DLG2: variants seen among roughly 807,000 people sequenced by gnomAD.
DLG2 encodes discs large MAGUK scaffold protein 2.
Under a neutral mutation model 132.5 loss-of-function variants are expected in DLG2, and 45 were observed. That is an observed-to-expected ratio of 0.34 (90% CI 0.27 to 0.44). The LOEUF is 0.44. DLG2 is among the 20% of genes least tolerant of loss of function. The probability of loss-of-function intolerance (pLI) is 1.00; values close to 1 mark genes in which losing one functional copy is unlikely to be tolerated. For synonymous variants in DLG2, 424 were observed against 419.6 expected (o/e 1.01, Z -0.13); for missense variants, 1,045 against 1,196.9 (o/e 0.87, Z 1.87).
chr11:85,287,025 A>G (rs1405284249), intron 3 of DLG2, among the ~76,000 whole-genome samples: 2 of 152,126 alleles, frequency 1.3e-5, no homozygotes, highest in Non-Finnish European at 2.9e-5. Context: ...ATTGGATTAT[A>G]ACACAAAATA....
At chr11:83,824,226 G>C (rs1020010804) in intron 17 of DLG2, among the ~76,000 whole-genome samples, 2 of 152,120 alleles carry the variant, frequency 1.3e-5, no homozygotes, top group Non-Finnish European at 2.9e-5. Flanking sequence ...TCTTTGTTGG[G>C]AAGTTTCCCC....
At chr11:84,994,968 C>G (rs1348978005) in intron 6 of DLG2, among the ~76,000 whole-genome samples, 2 of 152,100 alleles carry the variant, frequency 1.3e-5, no homozygotes, top group Admixed American at 1.3e-4. Flanking sequence ...CAGATAGATT[C>G]TTCTCATCTG....
intron 3 of DLG2, among the ~76,000 whole-genome samples, chr11:85,514,765 C>T (rs187127103): frequency 8.4e-4 from 128 of 151,940 alleles, no homozygotes; most frequent in African/African-American, 2.9e-3. Flanking sequence ...TCTTTTCATA[C>T]GCTCTTGGTT....
intron 15 of DLG2, among the ~76,000 whole-genome samples, chr11:83,917,638 C>T (rs1418748944): frequency 6.6e-6 from 1 of 152,176 alleles, no homozygotes; most frequent in South Asian, 2.1e-4. Flanking sequence ...TTCCCTCTGT[C>T]TGCCAGTTCT....
At chr11:84,944,050 G>T (rs2154098831) in intron 6 of DLG2, among the ~76,000 whole-genome samples, 1 of 152,122 alleles carries the variant, frequency 6.6e-6, no homozygotes, top group Non-Finnish European at 1.5e-5. Flanking sequence ...AATATGTCGT[G>T]CCATTCTCCC....
chr11:83,907,076 C>T (rs185730528), intron 15 of DLG2, among the ~76,000 whole-genome samples: 53 of 152,200 alleles, frequency 3.5e-4, no homozygotes, highest in African/African-American at 1.1e-3. Flanking sequence ...TTGAAGATCT[C>T]GCACTGAAGT....
intron 7 of DLG2, among the ~76,000 whole-genome samples, chr11:84,347,536 G>T (rs1025759693): frequency 2.0e-5 from 3 of 152,100 alleles, no homozygotes; most frequent in Non-Finnish European, 4.4e-5. Flanking sequence ...TCGCAGCAAT[G>T]TGTGGTCATA....
At chr11:84,511,089 A>C (rs992257215) in intron 7 of DLG2, among the ~76,000 whole-genome samples, 1 of 152,154 alleles carries the variant, frequency 6.6e-6, no homozygotes, top group African/African-American at 2.4e-5. Flanking sequence ...CCTCTGGATG[A>C]GAAAAATAGA....
chr11:83,700,105 A>T (rs1481661605), intron 18 of DLG2, among the ~76,000 whole-genome samples: 1 of 152,014 alleles, frequency 6.6e-6, no homozygotes, highest in Non-Finnish European at 1.5e-5. Context: ...TTAAATATTT[A>T]AATTAATTTA....
chr11:84,775,369 T>C (rs1234074353), intron 6 of DLG2, among the ~76,000 whole-genome samples: 1 of 152,200 alleles, frequency 6.6e-6, no homozygotes, highest in Non-Finnish European at 1.5e-5. Context: ...AGTTAGGAGA[T>C]GTCTGAAAGA....
At chr11:84,681,764 G>A (rs2099730649) in intron 6 of DLG2, among the ~76,000 whole-genome samples, 1 of 151,866 alleles carries the variant, frequency 6.6e-6, no homozygotes, top group Non-Finnish European at 1.5e-5. Context: ...TTCAGACTCA[G>A]TGATTGTTGC....
At chr11:83,584,514 A>G (rs1593780308) in intron 19 of DLG2, among the ~76,000 whole-genome samples, 1 of 152,228 alleles carries the variant, frequency 6.6e-6, no homozygotes. Flanking sequence ...ATGTACTGGA[A>G]TATTAGTTGG....
At chr11:84,184,347 T>C (rs1029992225) in intron 8 of DLG2, among the ~76,000 whole-genome samples, 1 of 152,148 alleles carries the variant, frequency 6.6e-6, no homozygotes, top group African/African-American at 2.4e-5. Flanking sequence ...CATTTTTTCA[T>C]GTGTCTTTTG....
intron 7 of DLG2, among the ~76,000 whole-genome samples, chr11:84,444,615 T>C (rs539295018): frequency 2.2e-4 from 33 of 152,268 alleles, no homozygotes; most frequent in African/African-American, 7.5e-4. Context: ...TTCCTGGCTT[T>C]TTAACAATTA....
chr11:84,725,739 G>C (rs1380756759), intron 6 of DLG2, among the ~76,000 whole-genome samples: 3 of 151,918 alleles, frequency 2.0e-5, no homozygotes, highest in Non-Finnish European at 4.4e-5. Context: ...CTATAGCATT[G>C]CTATAAGGCT....
chr11:84,016,144 C>A (rs187549447), intron 11 of DLG2, among the ~76,000 whole-genome samples: 2 of 151,962 alleles, frequency 1.3e-5, no homozygotes, highest in Non-Finnish European at 2.9e-5. Flanking sequence ...GGATGTTGAG[C>A]TTTTTTTTCA....
In DLG2 at chr11:85,605,047, C is replaced by T. The variant is rs560924308; in HGVS notation, c.-92-6259G>A. Among the ~76,000 whole-genome samples the T allele has an allele frequency of 6.6e-5, 10 of 152,226 alleles. No homozygotes were observed. In the East Asian group the frequency reaches 1.9e-3, roughly 29 times the overall value. On this transcript the variant is annotated intron_variant, in intron 2 of 27. Coordinates refer to ENST00000376104, the MANE Select transcript of DLG2 (RefSeq NM_001142699.3). ...TATAATAGAGAAAAGGTGAATTTAA[C>T]AGGCAAATTTTGGAAAATAAAGCAT...
rs540765491 is a variant in DLG2, at chr11:85,366,086, T to C, written c.41-80721A>G. Among the ~76,000 whole-genome samples, 19 of 152,058 alleles carry C rather than the reference T, an allele frequency of 1.2e-4. No individual in the cohort carries two copies. In the South Asian group the frequency reaches 3.5e-3, roughly 28 times the overall value. On this transcript the variant is annotated intron_variant, in intron 3 of 27. Transcript: ENST00000376104. The stretch of plus-strand genomic sequence containing the variant: ...GAACTTAAAGTATAATAAAATAAAA[T>C]AAGGATGTTGGAGTTGAGGATGGGG...
At chr11:84,786,913 A>T (rs939812188) in intron 6 of DLG2, among the ~76,000 whole-genome samples, 3 of 152,174 alleles carry the variant, frequency 2.0e-5, no homozygotes, top group Admixed American at 6.5e-5. Context: ...AAATTCTCTG[A>T]AGTAAGTCTG....
Sources: gnomAD v4.1 joint callset for allele counts (sites outside exome capture counted in the v4.1 genomes callset) on GRCh38, gnomAD v4.1.1 for gene constraint, MANE v1.5 for transcripts, NCBI Gene and HGNC (gene_info 2026-07-23, HGNC 2026-07-21) for gene names.